Variants in CHRM3 observed in about 807,000 individuals in gnomAD.
CHRM3 encodes muscarinic acetylcholine receptor M3.
In CHRM3, 11 loss-of-function variants were observed where a neutral mutation model predicts 41.8. The ratio of observed to expected loss-of-function variants is 0.26; its 90% confidence interval spans 0.17 to 0.44. The LOEUF is 0.44. CHRM3 is among the 20% of genes least tolerant of loss of function. The probability of loss-of-function intolerance (pLI) is 1.00; values close to 1 mark genes in which losing one functional copy is unlikely to be tolerated. For synonymous variants in CHRM3, 297 were observed against 301.4 expected (o/e 0.99, Z 0.15); for missense variants, 571 against 745.4 (o/e 0.77, Z 2.72).
chr1:239,459,941 A>AG (rs1278885112), intron 1 of CHRM3, among the ~76,000 whole-genome samples: 1 of 152,118 alleles, frequency 6.6e-6, no homozygotes, highest in Non-Finnish European at 1.5e-5. Context: ...TCACGCATTA[A>AG]CTCTGTGTTA....
At chr1:239,486,116 C>T (rs1268994639) in intron 1 of CHRM3, among the ~76,000 whole-genome samples, 2 of 152,160 alleles carry the variant, frequency 1.3e-5, no homozygotes, top group Non-Finnish European at 2.9e-5. Context: ...CTGTAAGCCA[C>T]GTCCCCACAC....
At chr1:239,867,060 A>G (rs1468159741) in intron 6 of CHRM3, among the ~76,000 whole-genome samples, 1 of 152,234 alleles carries the variant, frequency 6.6e-6, no homozygotes, top group Non-Finnish European at 1.5e-5. Flanking sequence ...GCTGCACTTC[A>G]GAGCCAAGCT....
chr1:239,677,006 T>A (rs1021074643), intron 4 of CHRM3, among the ~76,000 whole-genome samples: 2 of 152,144 alleles, frequency 1.3e-5, no homozygotes, highest in Non-Finnish European at 1.5e-5. Context: ...CATGGGAGCA[T>A]GACGGCTAGA....
Position 239,549,462 on chromosome 1 carries a change from C to T in CHRM3, c.-313+3713C>T, listed in dbSNP as rs1659603260. ...GTCAGAAGTTTGAGACCTGCCTGGC[C>T]AACATGGTGAAAACCCATCTCTACT... On this transcript the variant is annotated intron_variant, in intron 3 of 6. Coordinates refer to ENST00000676153, the MANE Select transcript of CHRM3 (RefSeq NM_001375978.1). Among the ~76,000 whole-genome samples, 3 of 142,756 alleles carry T rather than the reference C, an allele frequency of 2.1e-5. No homozygotes were observed. The Admixed American group carries it at 2.1e-4, about 10-fold the overall frequency. The allele number at this position is 142,756 out of a possible 152,430, so 93.7% of individuals were successfully genotyped here. A position where few individuals can be genotyped will look rare whatever the true frequency, so the allele number is the denominator to read the frequency against.
chr1:239,568,827 A>G (rs945372466), intron 3 of CHRM3, among the ~76,000 whole-genome samples: 2 of 152,182 alleles, frequency 1.3e-5, no homozygotes, highest in East Asian at 3.9e-4. Flanking sequence ...AAGAACAGGG[A>G]CAAGGTCTCT....
Position 239,909,256 on chromosome 1 carries a change from G to A in CHRM3, c.*32G>A, listed in dbSNP as rs1338876118. Reference sequence around the variant, plus strand: ...GTTGTATCAATAGCAGTGACAAAACGCACACATCAACCCACAGACCTTAGG... The same window carrying A: ...GTTGTATCAATAGCAGTGACAAAACACACACATCAACCCACAGACCTTAGG... On this transcript the variant is annotated 3_prime_UTR_variant, in exon 7 of 7. Coordinates refer to ENST00000676153, the MANE Select transcript of CHRM3 (RefSeq NM_001375978.1). The A allele has an allele frequency of 1.9e-6, 3 of 1,566,228 alleles. No homozygotes were observed. The highest frequency in any genetic ancestry group is 8.6e-7 in the Non-Finnish European group (1 of 1,156,396).
intron 6 of CHRM3, among the ~76,000 whole-genome samples, chr1:239,831,712 G>C (rs939058872): frequency 6.6e-6 from 1 of 152,074 alleles, no homozygotes; most frequent in South Asian, 2.1e-4. Context: ...TGTGAGGCCC[G>C]GGGGTGCTTG....
At chr1:239,722,007 A>G (rs913532771) in intron 5 of CHRM3, among the ~76,000 whole-genome samples, 2 of 151,876 alleles carry the variant, frequency 1.3e-5, no homozygotes, top group Non-Finnish European at 2.9e-5. Context: ...ATGAAATCCT[A>G]GAAGAAAATG....
In CHRM3 at chr1:239,476,576, A is replaced by C. The variant is rs139263694; in HGVS notation, c.-520-16133A>C. ...GTCAAATTGCAGAAATCTGTGCAAAAATCCCCTGAGAAAGAGCTCTCCCTT... is the reference window on the plus strand; with the variant it reads ...GTCAAATTGCAGAAATCTGTGCAAACATCCCCTGAGAAAGAGCTCTCCCTT... On this transcript the variant is annotated intron_variant, in intron 1 of 6. Transcript: ENST00000676153. 9.5e-3 allele frequency among the ~76,000 whole-genome samples: 1,443 copies of C among 152,252 alleles called. 30 individuals are homozygous for C. The highest frequency in any genetic ancestry group is 0.033 in the African/African-American group (1,387 of 41,542).
Position 239,743,106 on chromosome 1 carries a change from TA to T in CHRM3, c.-147+64820del, listed in dbSNP as rs1316154227. On this transcript the variant is annotated intron_variant, in intron 5 of 6. Coordinates refer to ENST00000676153, the MANE Select transcript of CHRM3 (RefSeq NM_001375978.1). Reference sequence around the variant, plus strand: ...TCTTCTATTTAAATATTAACTCTGATAATTGTTTAGGCAATGAGGATACCTT... The same window carrying T: ...TCTTCTATTTAAATATTAACTCTGATATTGTTTAGGCAATGAGGATACCTT... 2.6e-5 allele frequency among the ~76,000 whole-genome samples: 4 copies of T among 152,220 alleles called. No homozygotes were observed. In the East Asian group the frequency reaches 7.7e-4, roughly 29 times the overall value.
intron 1 of CHRM3, among the ~76,000 whole-genome samples, chr1:239,447,747 G>C (rs1180355213): frequency 1.3e-5 from 2 of 152,132 alleles, no homozygotes; most frequent in Non-Finnish European, 2.9e-5. Context: ...CTGCACTCCA[G>C]CCTGGGCGAA....
intron 5 of CHRM3, among the ~76,000 whole-genome samples, chr1:239,763,322 G>A (rs189630596): frequency 3.3e-5 from 5 of 152,294 alleles, no homozygotes; most frequent in Admixed American, 1.3e-4. Context: ...TTTAAGGCAT[G>A]CAAAGAATAC....
At chr1:239,853,712 G>A (rs1402140537) in intron 6 of CHRM3, among the ~76,000 whole-genome samples, 1 of 152,016 alleles carries the variant, frequency 6.6e-6, no homozygotes, top group African/African-American at 2.4e-5. Context: ...TCACCTGTGT[G>A]TTCCTCTTCC....
At chr1:239,765,647 C>T (rs1292920936) in intron 5 of CHRM3, among the ~76,000 whole-genome samples, 1 of 150,062 alleles carries the variant, frequency 6.7e-6, no homozygotes, top group African/African-American at 2.5e-5. Context: ...GGGAAAGAGC[C>T]CAACTTCTTT....
chr1:239,498,316 T>C (rs775822068), intron 2 of CHRM3, among the ~76,000 whole-genome samples: 3 of 152,188 alleles, frequency 2.0e-5, no homozygotes, highest in Non-Finnish European at 4.4e-5. Flanking sequence ...ACCTACCATA[T>C]TGAATATGAG....
chr1:239,521,949 T>C (rs1669674614), intron 2 of CHRM3, among the ~76,000 whole-genome samples: 1 of 152,192 alleles, frequency 6.6e-6, no homozygotes, highest in Admixed American at 6.6e-5. Flanking sequence ...GACATGAGCA[T>C]CCAAGGATGT....
chr1:239,449,781 G>A (rs1664432401), intron 1 of CHRM3, among the ~76,000 whole-genome samples: 1 of 151,688 alleles, frequency 6.6e-6, no homozygotes, highest in South Asian at 2.1e-4. Flanking sequence ...TGTTGTGGGT[G>A]TGTATAAAAT....
At chr1:239,878,039 T>C (rs1677260699) in intron 6 of CHRM3, among the ~76,000 whole-genome samples, 1 of 151,952 alleles carries the variant, frequency 6.6e-6, no homozygotes, top group South Asian at 2.1e-4. Context: ...TACAGGTGCG[T>C]GCCACCACAC....
At chr1:239,639,432 T>C (rs1670852505) in intron 4 of CHRM3, among the ~76,000 whole-genome samples, 1 of 152,236 alleles carries the variant, frequency 6.6e-6, no homozygotes, top group African/African-American at 2.4e-5. Context: ...TATCCTCTTT[T>C]ATTTCATTGA....
Sources: gnomAD v4.1 joint callset for allele counts (sites outside exome capture counted in the v4.1 genomes callset) on GRCh38, gnomAD v4.1.1 for gene constraint, MANE v1.5 for transcripts, NCBI Gene and HGNC (gene_info 2026-07-23, HGNC 2026-07-21) for gene names.